Variants in PHKB observed in about 807,000 individuals in gnomAD.
PHKB encodes phosphorylase kinase regulatory subunit beta.
PHKB carries 122 observed loss-of-function variants against 152.1 expected under a neutral mutation model. The ratio of observed to expected loss-of-function variants is 0.80; its 90% confidence interval spans 0.69 to 0.93. The LOEUF (loss-of-function observed/expected upper bound fraction) is 0.93, where lower values mean the gene tolerates loss of function less well. PHKB is among the 40% of genes least tolerant of loss of function. PHKB has a pLI of 0.00. For synonymous variants in PHKB, 436 were observed against 464.9 expected, an observed-to-expected ratio of 0.94 and a Z score of 0.80; for missense variants, 1,304 against 1,328.4, an observed-to-expected ratio of 0.98 and a Z score of 0.29.
chr16:47,461,771 T>G (rs971570767), intron 1 of PHKB, among the ~76,000 whole-genome samples: 2 of 152,188 alleles, frequency 1.3e-5, no homozygotes, highest in Non-Finnish European at 2.9e-5. Context: ...TGTGAATGTG[T>G]CTTTCCTGTG....
intron 1 of PHKB, among the ~76,000 whole-genome samples, chr16:47,475,499 C>G (rs1969853306): frequency 6.6e-6 from 1 of 152,116 alleles, no homozygotes; most frequent in Non-Finnish European, 1.5e-5. Flanking sequence ...GGGCATCACT[C>G]TTAGGCTTTG....
At chr16:47,610,963 C>T (rs770372718) in intron 14 of PHKB, 43 bp downstream of exon 14, 1 of 1,204,198 alleles carries the variant, frequency 8.3e-7, no homozygotes, top group Non-Finnish European at 1.2e-6. Flanking sequence ...CGTCCAGAGA[C>T]ATTTAAGCTT....
At chr16:47,605,045 A>T (rs1972298308) in intron 13 of PHKB, among the ~76,000 whole-genome samples, 1 of 152,230 alleles carries the variant, frequency 6.6e-6, no homozygotes, top group Non-Finnish European at 1.5e-5. Context: ...CTCCTGAATG[A>T]TAAAAATCAA....
intron 26 of PHKB, among the ~76,000 whole-genome samples, chr16:47,683,011 G>A (rs927208910): frequency 2.0e-5 from 3 of 152,202 alleles, no homozygotes; most frequent in African/African-American, 7.2e-5. Flanking sequence ...AGGTCTGTTG[G>A]AGTTTGCTAG....
intron 25 of PHKB, among the ~76,000 whole-genome samples, chr16:47,666,918 T>A (rs1973549343): frequency 6.6e-6 from 1 of 152,226 alleles, no homozygotes; most frequent in South Asian, 2.1e-4. Context: ...TGCTTTATTG[T>A]GTTTTCCTGA....
chr16:47,560,472 C>A (rs1971457366), intron 7 of PHKB, among the ~76,000 whole-genome samples: 1 of 152,110 alleles, frequency 6.6e-6, no homozygotes, highest in Admixed American at 6.5e-5. Context: ...CCAAAACAAC[C>A]TCGAAAAAGA....
chr16:47,530,114 TA>T (rs1283912213), intron 6 of PHKB, among the ~76,000 whole-genome samples: 1 of 150,448 alleles, frequency 6.6e-6, no homozygotes, highest in Non-Finnish European at 1.5e-5. Flanking sequence ...GAAAAGGAGA[TA>T]CTGATTATAT....
chr16:47,639,585 G>T (rs1972981126), intron 14 of PHKB, among the ~76,000 whole-genome samples: 1 of 152,184 alleles, frequency 6.6e-6, no homozygotes, highest in Non-Finnish European at 1.5e-5. Flanking sequence ...GATTCAACAT[G>T]TATAGAGGCC....
At chr16:47,542,626 C>A (rs949103428) in intron 6 of PHKB, among the ~76,000 whole-genome samples, 9 of 152,162 alleles carry the variant, frequency 5.9e-5, no homozygotes, top group Admixed American at 4.6e-4. Context: ...TTCTTCCTAT[C>A]CATGAGCATG....
rs149314717 is a variant in PHKB at position 47,499,806 on chromosome 16, A to G, written c.217A>G (p.Thr73Ala). The change falls in exon 3 of 31, where the codon ACT becomes GCT. Residue 73 changes from threonine to alanine, a missense_variant. Physicochemically the swap from Thr to Ala is moderately conservative, Grantham distance 58 (BLOSUM62 0). Transcript: ENST00000323584. Reference protein sequence around the residue: ...YQSPTTGLFPTKTCGGDQKAK... With the variant: ...YQSPTTGLFPAKTCGGDQKAK... ...AAGTCCAACTACCGGTCTCTTTCCC[A>G]CTAAAACATGCGGTGGTGACCAGAA... The G allele has an allele frequency of 8.7e-6, 14 of 1,614,064 alleles. No homozygotes were observed. The African/African-American group carries it at 1.2e-4, about 14-fold the overall frequency.
chr16:47,521,798 T>C (rs2151655862), intron 6 of PHKB, among the ~76,000 whole-genome samples: 1 of 152,348 alleles, frequency 6.6e-6, no homozygotes, highest in East Asian at 1.9e-4. Flanking sequence ...TAATATTTTT[T>C]CTATATCTGT....
At chr16:47,565,546 C>T (rs935859260) in intron 7 of PHKB, 5 of 1,134,536 alleles carry the variant, frequency 4.4e-6, no homozygotes, top group Non-Finnish European at 6.7e-6. Flanking sequence ...TGGAGAGTGA[C>T]AGTCTTCCTC....
chr16:47,568,681 C>A (rs773205619), intron 7 of PHKB, among the ~76,000 whole-genome samples: 1 of 152,150 alleles, frequency 6.6e-6, no homozygotes, highest in Non-Finnish European at 1.5e-5. Flanking sequence ...TTTCTCATAG[C>A]GCTGCTTTTG....
chr16:47,634,240 T>A (rs1054765455), intron 14 of PHKB, among the ~76,000 whole-genome samples: 1 of 152,238 alleles, frequency 6.6e-6, no homozygotes, highest in African/African-American at 2.4e-5. Flanking sequence ...TAAATATCAT[T>A]GTGTAACAGA....
In PHKB at chr16:47,622,784, C is replaced by T. The variant is rs2151715785; in HGVS notation, c.1458+11864C>T. Among the ~76,000 whole-genome samples the T allele has an allele frequency of 1.3e-5, 2 of 152,264 alleles. 1 individual carries two copies. The highest frequency in any genetic ancestry group is 4.1e-4 in the South Asian group (2 of 4,820). ...AAGTTTCCAAATTGAGGATGAAAGT[C>T]AGTACTTGTTTGCTAAATCATGTAC... On this transcript the variant is annotated intron_variant, in intron 14 of 30. Coordinates refer to ENST00000323584, the MANE Select transcript of PHKB (RefSeq NM_000293.3).
At chr16:47,604,806 A>G (rs1348273248) in intron 13 of PHKB, among the ~76,000 whole-genome samples, 2 of 152,112 alleles carry the variant, frequency 1.3e-5, no homozygotes, top group Non-Finnish European at 2.9e-5. Context: ...CTTAATTCCT[A>G]TTTTCTAAGG....
chr16:47,636,420 G>A (rs1360052309), intron 14 of PHKB, among the ~76,000 whole-genome samples: 1 of 152,158 alleles, frequency 6.6e-6, no homozygotes, highest in East Asian at 1.9e-4. Flanking sequence ...TGGGGCAGGG[G>A]CCCCATGCTC....
At chr16:47,648,795 A>T (rs1160104143) in intron 17 of PHKB, among the ~76,000 whole-genome samples, 179 bp downstream of exon 17, 1 of 152,196 alleles carries the variant, frequency 6.6e-6, no homozygotes, top group Non-Finnish European at 1.5e-5. Flanking sequence ...AAGTCTTATA[A>T]ATATGAAGGA....
chr16:47,646,463 T>A (rs1357760351), intron 16 of PHKB, among the ~76,000 whole-genome samples: 1 of 124,682 alleles, frequency 8.0e-6, no homozygotes, highest in African/African-American at 3.1e-5. Flanking sequence ...CGCACCAGCA[T>A]GGCACATGTA....
Sources: allele counts gnomAD v4.1 joint callset (sites outside exome capture counted in the v4.1 genomes callset), GRCh38; gene constraint gnomAD v4.1.1; transcripts MANE v1.5; gene names NCBI Gene and HGNC (gene_info 2026-07-23, HGNC 2026-07-21).